The following VPS35L variants were observed in gnomAD, a reference collection of about 807,000 sequenced individuals.
VPS35L encodes the protein VPS35 endosomal protein sorting factor like.
A neutral mutation model predicts 133.0 loss-of-function variants in VPS35L; 83 were observed. The observed-to-expected ratio is 0.62, with a 90% CI of 0.52 to 0.75. The LOEUF (loss-of-function observed/expected upper bound fraction) is 0.75. Among genes scored for constraint, VPS35L ranks in the 30% least tolerant of loss-of-function variants. The pLI is 0.00. For missense variants in VPS35L, 1,083 were observed against 1,206.8 expected (o/e 0.90, Z 1.52); for synonymous variants, 423 against 449.9 (o/e 0.94, Z 0.76).
chr16:19,669,074 G>C, intron 26 of VPS35L, 86 bp from the exon 27 acceptor site: 5 of 1,420,894 alleles, frequency 3.5e-6, no homozygotes, highest in Non-Finnish European at 4.8e-6. Flanking sequence ...CTAACTCTCA[G>C]GACTGGCCTT....
At chr16:19,596,334 G>A (rs1972214689) in intron 8 of VPS35L, among the ~76,000 whole-genome samples, 1 of 151,878 alleles carries the variant, frequency 6.6e-6, no homozygotes, top group African/African-American at 2.4e-5. Flanking sequence ...CAGTGCAATG[G>A]GGTGATCATG....
chr16:19,581,805 A>G (rs764689881), intron 7 of VPS35L, 152 bp downstream of exon 7: 17 of 958,588 alleles, frequency 1.8e-5, no homozygotes, highest in Non-Finnish European at 2.6e-5. Flanking sequence ...AGCCATGATT[A>G]TGAATCTGTG....
chr16:19,657,690 G>A (rs926725509), intron 26 of VPS35L, among the ~76,000 whole-genome samples: 4 of 152,160 alleles, frequency 2.6e-5, no homozygotes, highest in African/African-American at 7.2e-5. Context: ...ACCACAAACT[G>A]TAATGGCTAA....
At chr16:19,581,408 G>A (rs9935995) in intron 6 of VPS35L, 117 bp from the exon 7 acceptor site, 251,894 of 1,171,480 alleles carry the variant, frequency 0.22, 29,060 homozygotes, top group African/African-American at 0.38. Flanking sequence ...CAATCCTGGC[G>A]GGGATATGAG....
At chr16:19,698,038 G>T (rs910733395) in intron 29 of VPS35L, among the ~76,000 whole-genome samples, 2 of 152,140 alleles carry the variant, frequency 1.3e-5, no homozygotes, top group African/African-American at 4.8e-5. Context: ...ACCCATTTTT[G>T]ATCTCACTGT....
At chr16:19,584,481 G>C (rs1407355169) in intron 7 of VPS35L, among the ~76,000 whole-genome samples, 1 of 152,104 alleles carries the variant, frequency 6.6e-6, no homozygotes, top group Non-Finnish European at 1.5e-5. Context: ...ACAAAAATTA[G>C]CTGGGCATGG....
At chr16:19,604,202 A>G (rs1328298768) in intron 9 of VPS35L, among the ~76,000 whole-genome samples, 1 of 148,638 alleles carries the variant, frequency 6.7e-6, no homozygotes, top group Non-Finnish European at 1.5e-5. Context: ...TCCTATTGTT[A>G]TATACCCAAC....
chr16:19,645,589 C>T (rs2151581759), intron 23 of VPS35L, among the ~76,000 whole-genome samples: 1 of 151,972 alleles, frequency 6.6e-6, no homozygotes, highest in South Asian at 2.1e-4. Context: ...GCACCCAGCC[C>T]CCTGTCTGTC....
chr16:19,559,406 T>C (rs1028070589), intron 1 of VPS35L, among the ~76,000 whole-genome samples: 1 of 152,078 alleles, frequency 6.6e-6, no homozygotes, highest in Admixed American at 6.6e-5. Context: ...CTGTGGCAGG[T>C]GCCAGTGATC....
At chr16:19,656,671 C>G (rs1432739280) in intron 26 of VPS35L, among the ~76,000 whole-genome samples, 1 of 151,816 alleles carries the variant, frequency 6.6e-6, no homozygotes, top group African/African-American at 2.4e-5. Flanking sequence ...AGCACTTGGC[C>G]CACCGGCACA....
chr16:19,681,135 C>T (rs1352738828), intron 27 of VPS35L, among the ~76,000 whole-genome samples: 1 of 152,202 alleles, frequency 6.6e-6, no homozygotes, highest in Admixed American at 6.5e-5. Context: ...CCTGGTGCCA[C>T]TCTGTGCCCT....
At chr16:19,652,872 G>A (rs875649) in intron 26 of VPS35L, among the ~76,000 whole-genome samples, 73,586 of 152,096 alleles carry the variant, frequency 0.48, 20,603 homozygotes, top group African/African-American at 0.78. Flanking sequence ...TGGTCTTTCC[G>A]TACTAGACAC....
chr16:19,682,567 G>A (rs1459095923), intron 28 of VPS35L, among the ~76,000 whole-genome samples, 177 bp downstream of exon 28: 2 of 152,212 alleles, frequency 1.3e-5, no homozygotes, highest in Non-Finnish European at 2.9e-5. Flanking sequence ...ACTCTTAAGA[G>A]TACAGATTCT....
At chr16:19,654,800 G>A (rs768863327) in intron 26 of VPS35L, among the ~76,000 whole-genome samples, 1 of 152,184 alleles carries the variant, frequency 6.6e-6, no homozygotes, top group Non-Finnish European at 1.5e-5. Flanking sequence ...CCAAAGCTAT[G>A]ACACCACTTA....
chr16:19,584,991 C>T (rs1251495061), intron 7 of VPS35L, among the ~76,000 whole-genome samples: 1 of 152,130 alleles, frequency 6.6e-6, no homozygotes, highest in African/African-American at 2.4e-5. Context: ...AATGTCTCTT[C>T]AGCTCTTTTG....
chr16:19,642,622 C>A, intron 22 of VPS35L, 146 bp downstream of exon 22: 1 of 638,446 alleles, frequency 1.6e-6, no homozygotes, highest in Non-Finnish European at 2.5e-6. Context: ...GAGGACATTC[C>A]AATCCAGGAG....
At chr16:19,664,719 G>A (rs1173259406) in intron 26 of VPS35L, among the ~76,000 whole-genome samples, 1 of 152,028 alleles carries the variant, frequency 6.6e-6, no homozygotes, top group Non-Finnish European at 1.5e-5. Context: ...GCCCAACATG[G>A]TGAAACCCCA....
intron 28 of VPS35L, among the ~76,000 whole-genome samples, chr16:19,688,801 C>G (rs1226140137): frequency 1.3e-5 from 2 of 152,170 alleles, no homozygotes; most frequent in Non-Finnish European, 2.9e-5. Flanking sequence ...GGTATGTGAG[C>G]TCATGTGGGT....
At chr16:19,592,020 C>T (rs1359889373) in intron 8 of VPS35L, 146 bp downstream of exon 8, 1 of 592,832 alleles carries the variant, frequency 1.7e-6, no homozygotes, top group Non-Finnish European at 3.0e-6. Context: ...CCCCCCCACG[C>T]CCATTAATAA....
Sources: allele counts gnomAD v4.1 joint callset (sites outside exome capture counted in the v4.1 genomes callset), GRCh38; gene constraint gnomAD v4.1.1; transcripts MANE v1.5; gene names NCBI Gene and HGNC (gene_info 2026-07-23, HGNC 2026-07-21).